Variants in ACOT11 observed in about 807,000 individuals in gnomAD.
ACOT11 encodes acyl-CoA thioesterase 11.
Under a neutral mutation model 77.5 loss-of-function variants are expected in ACOT11, and 69 were observed. That is an observed-to-expected ratio of 0.89 (90% CI 0.73 to 1.09). ACOT11 has a LOEUF of 1.09. Ranked by LOEUF, ACOT11 falls within the 50% of genes least tolerant of loss-of-function variation. The pLI is 0.00. For missense variants in ACOT11, 766 were observed against 813.7 expected (o/e 0.94, Z 0.71); for synonymous variants, 279 against 313.0 (o/e 0.89, Z 1.15).
chr1:54,608,403 C>T (rs1569771461), intron 15 of ACOT11, among the ~76,000 whole-genome samples: 1 of 152,088 alleles, frequency 6.6e-6, no homozygotes, highest in Non-Finnish European at 1.5e-5. Context: ...CCCATAAAAC[C>T]CAGCAGCGCA....
intron 15 of ACOT11, among the ~76,000 whole-genome samples, chr1:54,615,431 G>A (rs920490695): frequency 1.3e-5 from 2 of 152,124 alleles, no homozygotes; most frequent in Non-Finnish European, 2.9e-5. Flanking sequence ...TGACAAAACT[G>A]GTGTTTTGAA....
intron 1 of ACOT11, among the ~76,000 whole-genome samples, chr1:54,550,910 C>T (rs1038048985): frequency 2.0e-5 from 3 of 151,796 alleles, no homozygotes; most frequent in Non-Finnish European, 2.9e-5. Flanking sequence ...GAGGCCGAGA[C>T]GGGTGGATCA....
At chr1:54,554,679 C>T (rs1458979720) in intron 1 of ACOT11, among the ~76,000 whole-genome samples, 4 of 152,046 alleles carry the variant, frequency 2.6e-5, no homozygotes, top group African/African-American at 7.2e-5. Flanking sequence ...CATTCATCCA[C>T]TGGTGGACAC....
chr1:54,555,590 A>G (rs1002814571), intron 1 of ACOT11, among the ~76,000 whole-genome samples: 1 of 152,130 alleles, frequency 6.6e-6, no homozygotes, highest in Non-Finnish European at 1.5e-5. Flanking sequence ...TAAAGAAATC[A>G]CATCTATTTT....
chr1:54,587,398 C>T lies in ACOT11; in HGVS notation c.311+1494C>T, dbSNP rs149605613. ...GCGTGGTGGGGAGCACCTGTAATCC[C>T]AGCTACTCGGGAGGCTGAGGCAGAG... On this transcript the variant is annotated intron_variant, in intron 3 of 15. Coordinates refer to ENST00000343744, the MANE Select transcript of ACOT11 (RefSeq NM_147161.4). 6.0e-4 allele frequency among the ~76,000 whole-genome samples: 91 copies of T among 151,700 alleles called. 1 individual carries two copies. The East Asian group carries it at 0.017, about 29-fold the overall frequency.
In ACOT11 at chr1:54,586,314, C is replaced by T. The variant is rs963675087; in HGVS notation, c.311+410C>T. Among the ~76,000 whole-genome samples, 151 of 48,232 alleles carry T rather than the reference C, an allele frequency of 3.1e-3. No homozygotes were observed. The African/African-American group carries it at 0.052, about 17-fold the overall frequency. The allele number at this position is 48,232 out of a possible 152,430, so 31.6% of individuals were successfully genotyped here. A position where few individuals can be genotyped will look rare whatever the true frequency, so the allele number is the denominator to read the frequency against. On this transcript the variant is annotated intron_variant, in intron 3 of 15. Transcript: ENST00000343744. Reference sequence around the variant, plus strand: ...CCTTGGTCATTGGGCTGTAGGGAGGCCCCCTAGACAAGGTGCCTTGGCAAA... The same window carrying T: ...CCTTGGTCATTGGGCTGTAGGGAGGTCCCCTAGACAAGGTGCCTTGGCAAA...
intron 2 of ACOT11, 145 bp from the exon 3 acceptor site, chr1:54,585,690 T>A: frequency 2.9e-6 from 2 of 683,274 alleles, no homozygotes; most frequent in South Asian, 1.9e-5. Flanking sequence ...CGGTGAGGGG[T>A]GTAAGGAATG....
At chr1:54,578,098 TATGA>T (rs893383161) in intron 1 of ACOT11, among the ~76,000 whole-genome samples, 8 of 152,130 alleles carry the variant, frequency 5.3e-5, no homozygotes, top group African/African-American at 1.9e-4. Context: ...GTGCCAGTTC[TATGA>T]GTGAGGCTGT....
intron 13 of ACOT11, 64 bp downstream of exon 13, chr1:54,605,273 T>G: frequency 6.4e-7 from 1 of 1,562,872 alleles, no homozygotes; most frequent in Non-Finnish European, 8.6e-7. Flanking sequence ...AGAGAGTGTC[T>G]CCTTCTGCGG....
rs1569778295 is a variant in ACOT11 at position 54,610,001 on chromosome 1, G to T, written c.*889G>T. 6.5e-7 allele frequency: 1 copy of T among 1,536,208 alleles called. No individual in the cohort carries two copies. The highest frequency in any genetic ancestry group is 1.2e-5 in the South Asian group (1 of 80,122). On this transcript the variant is annotated 3_prime_UTR_variant, in exon 16 of 16. Coordinates refer to ENST00000343744, the MANE Select transcript of ACOT11 (RefSeq NM_147161.4). ...TTTGGGTTATCATAAGGTGTTAAGA[G>T]TCCCTTGTTAAAGGGGCAGTGGGAG...
chr1:54,604,278 C>A, intron 11 of ACOT11, 68 bp from the exon 12 acceptor site: 1 of 1,482,652 alleles, frequency 6.7e-7, no homozygotes, highest in Non-Finnish European at 9.4e-7. Flanking sequence ...CTGGCACACC[C>A]TTGGCCTTGG....
chr1:54,623,641 A>G (rs753091877), intron 15 of ACOT11: 2 of 453,218 alleles, frequency 4.4e-6, no homozygotes, highest in African/African-American at 2.1e-5. Flanking sequence ...AATATCTACC[A>G]TATCTAAAAT....
In ACOT11 at chr1:54,585,900, A is replaced by G; in HGVS notation, c.307A>G (p.Ile103Val). The change falls in exon 3 of 16, where the codon ATT (isoleucine) becomes GTT (valine). Residue 103 changes from isoleucine (I) to valine (V), a missense_variant. By Grantham distance (29) the Ile-to-Val change is conservative. Coordinates refer to ENST00000343744, the MANE Select transcript of ACOT11 (RefSeq NM_147161.4). Reference sequence around the variant, plus strand: ...GGATGACATCTATTTTGAGCACACCATTAGGTAAGTGGCCCCTCCTGCCTC... The same window carrying G: ...GGATGACATCTATTTTGAGCACACCGTTAGGTAAGTGGCCCCTCCTGCCTC... ...SMDDIYFEHTISVGQVVNIKA... is the reference protein window; with the variant it reads ...SMDDIYFEHTVSVGQVVNIKA... 2.5e-6 allele frequency: 4 copies of G among 1,613,972 alleles called. No individual in the cohort carries two copies. The highest frequency in any genetic ancestry group is 3.4e-6 in the Non-Finnish European group (4 of 1,179,960).
chr1:54,548,383 C>A, intron 1 of ACOT11, 41 bp downstream of exon 1: 1 of 1,584,344 alleles, frequency 6.3e-7, no homozygotes, highest in Admixed American at 1.8e-5. Context: ...GCTCTGGAAG[C>A]TGGGCACCCA....
intron 15 of ACOT11, among the ~76,000 whole-genome samples, chr1:54,623,883 G>A (rs1364734067): frequency 6.6e-6 from 1 of 152,224 alleles, no homozygotes; most frequent in Non-Finnish European, 1.5e-5. Flanking sequence ...CAGGCTTTCT[G>A]CCCTGCCCTC....
intron 15 of ACOT11, 139 bp from the exon 16 acceptor site, chr1:54,608,818 G>A (rs1644067823): frequency 1.3e-6 from 1 of 796,550 alleles, no homozygotes; most frequent in South Asian, 1.6e-5. Context: ...AAGACCCTGG[G>A]GAGTTGGGTT....
downstream of ACOT11, among the ~76,000 whole-genome samples, chr1:54,613,293 C>T (rs568779892): frequency 5.5e-4 from 84 of 152,088 alleles, no homozygotes; most frequent in African/African-American, 1.9e-3. Flanking sequence ...GCAGGAAAAT[C>T]GCTTGAACCC....
intron 1 of ACOT11, among the ~76,000 whole-genome samples, chr1:54,553,688 A>G (rs1653152163): frequency 6.6e-6 from 1 of 152,104 alleles, no homozygotes; most frequent in Non-Finnish European, 1.5e-5. Context: ...TTACTGTATA[A>G]TAGATCTCTT....
intron 1 of ACOT11, among the ~76,000 whole-genome samples, chr1:54,569,996 T>TA (rs576739868): frequency 2.0e-5 from 3 of 152,206 alleles, no homozygotes; most frequent in Admixed American, 6.5e-5. Flanking sequence ...ACTGAGCACT[T>TA]ACAATGTTCT....
Sources: gnomAD v4.1 joint callset for allele counts (sites outside exome capture counted in the v4.1 genomes callset) on GRCh38, gnomAD v4.1.1 for gene constraint, MANE v1.5 for transcripts, NCBI Gene and HGNC (gene_info 2026-07-23, HGNC 2026-07-21) for gene names.